Variants in ZFHX3 observed in about 807,000 individuals in gnomAD.
The protein encoded by ZFHX3 is zinc finger homeobox 3, also known as zinc finger homeobox protein 3.
ZFHX3 carries 42 observed loss-of-function variants against 279.1 expected under a neutral mutation model. The observed-to-expected ratio is 0.15, with a 90% confidence interval of 0.12 to 0.19. The LOEUF is 0.19. Among genes scored for constraint, ZFHX3 ranks in the 10% least tolerant of loss-of-function variants. The pLI, the probability that ZFHX3 is intolerant of heterozygous loss-of-function variation, is 1.00. For synonymous variants in ZFHX3, 2,293 were observed against 1,957.8 expected, an observed-to-expected ratio of 1.17 and a Z score of -4.52; for missense variants, 4,981 against 4,754.0, an observed-to-expected ratio of 1.05 and a Z score of -1.40.
At chr16:73,680,437 A>G (rs548950592) in intron 1 of ZFHX3, among the ~76,000 whole-genome samples, 5 of 152,294 alleles carry the variant, frequency 3.3e-5, no homozygotes, top group African/African-American at 1.2e-4. Flanking sequence ...CTCATCTCAA[A>G]ACAGAAGCAC....
chr16:73,738,855 G>A (rs78480639), intron 1 of ZFHX3, among the ~76,000 whole-genome samples: 56 of 152,250 alleles, frequency 3.7e-4, no homozygotes, highest in Non-Finnish European at 6.0e-4. Context: ...GGAGGCACCC[G>A]TGGAAGATTA....
intron 3 of ZFHX3, among the ~76,000 whole-genome samples, chr16:73,411,846 G>A (rs1456750290): frequency 6.6e-6 from 1 of 152,118 alleles, no homozygotes; most frequent in Non-Finnish European, 1.5e-5. Flanking sequence ...TCTATGGCCT[G>A]CCTGTCTCCT....
chr16:72,899,427 T>C (rs917161053), intron 3 of ZFHX3, among the ~76,000 whole-genome samples: 3 of 152,230 alleles, frequency 2.0e-5, no homozygotes, highest in Non-Finnish European at 4.4e-5. Flanking sequence ...TCCATCATGA[T>C]TGTAAGTTTT....
intron 1 of ZFHX3, among the ~76,000 whole-genome samples, chr16:73,741,849 C>A (rs1007450580): frequency 2.0e-5 from 3 of 152,168 alleles, no homozygotes; most frequent in Admixed American, 6.5e-5. Flanking sequence ...TGGTTGAATG[C>A]AAAACAGAAT....
chr16:73,004,399 G>A (rs1404424898), intron 1 of ZFHX3, among the ~76,000 whole-genome samples: 3 of 143,156 alleles, frequency 2.1e-5, no homozygotes, highest in Non-Finnish European at 4.5e-5. Flanking sequence ...TGCAATCTCG[G>A]CTCACTGCAA....
chr16:73,342,060 T>TGTATG (rs1191727344), intron 3 of ZFHX3, among the ~76,000 whole-genome samples: 2 of 152,096 alleles, frequency 1.3e-5, no homozygotes, highest in Admixed American at 6.5e-5. Context: ...ATGGGTGAAT[T>TGTATG]GTATGGTACA....
chr16:73,370,284 C>T (rs967175334), intron 3 of ZFHX3, among the ~76,000 whole-genome samples: 17 of 152,244 alleles, frequency 1.1e-4, no homozygotes, highest in Admixed American at 1.0e-3. Context: ...GTCAGAACGG[C>T]TACATCTGAC....
intron 3 of ZFHX3, among the ~76,000 whole-genome samples, chr16:73,403,036 A>G (rs2017288608): frequency 6.6e-6 from 1 of 152,136 alleles, no homozygotes; most frequent in Non-Finnish European, 1.5e-5. Flanking sequence ...GTAAATAGGC[A>G]CACACACGTG....
At chr16:73,545,353 G>A (rs1253640460) in intron 2 of ZFHX3, among the ~76,000 whole-genome samples, 1 of 152,128 alleles carries the variant, frequency 6.6e-6, no homozygotes, top group Non-Finnish European at 1.5e-5. Context: ...GTTTTAGAGG[G>A]AGGGGGTGGC....
chr16:73,177,165 ACCAACCAG>A (rs1470229892), intron 5 of ZFHX3, among the ~76,000 whole-genome samples: 7 of 141,586 alleles, frequency 4.9e-5, no homozygotes, highest in Non-Finnish European at 6.1e-5. Context: ...AAACCAACCA[ACCAACCAG>A]CCAACCAACC....
intron 6 of ZFHX3, among the ~76,000 whole-genome samples, chr16:73,132,045 G>C: frequency 6.6e-6 from 1 of 152,142 alleles, no homozygotes; most frequent in Non-Finnish European, 1.5e-5. Flanking sequence ...CAGTGCTTTA[G>C]GAGACCGAGG....
chr16:72,972,828 C>T (rs998585072), intron 1 of ZFHX3, among the ~76,000 whole-genome samples: 4 of 152,178 alleles, frequency 2.6e-5, no homozygotes, highest in African/African-American at 7.2e-5. Flanking sequence ...TCTGTCATCT[C>T]TACATTGCCT....
chr16:72,957,872 C>T lies in ZFHX3; in HGVS notation c.2274G>A (p.Gln758=), dbSNP rs778145729. ...DKHLNNMQNL[Q]NGGGEQVFSH... ...TGAAGACCTGCTCCCCCCCTCCATT[C>T]TGCAGGTTCTGCATGTTGTTGAGAT... Residue 758 remains glutamine, a synonymous_variant, in exon 2 of 10, where the codon CAG becomes CAA. Transcript: ENST00000268489. 2.5e-6 allele frequency: 4 copies of T among 1,614,118 alleles called. No homozygotes were observed. In the South Asian group the frequency reaches 4.4e-5, roughly 18 times the overall value.
intron 5 of ZFHX3, among the ~76,000 whole-genome samples, chr16:73,219,384 G>C (rs970403185): frequency 1.3e-5 from 2 of 152,146 alleles, no homozygotes; most frequent in Non-Finnish European, 2.9e-5. Context: ...CTTGATGAGA[G>C]TTCACATTCT....
At chr16:73,639,225 T>A (rs558697928) in intron 2 of ZFHX3, among the ~76,000 whole-genome samples, 1 of 152,176 alleles carries the variant, frequency 6.6e-6, no homozygotes, top group African/African-American at 2.4e-5. Flanking sequence ...ACAGCAGCAT[T>A]TGCTGCTGTG....
intron 3 of ZFHX3, among the ~76,000 whole-genome samples, chr16:73,361,599 TA>T (rs1020607863): frequency 3.1e-4 from 47 of 152,220 alleles, no homozygotes; most frequent in African/African-American, 1.1e-3. Flanking sequence ...TCTTCATTTT[TA>T]AAAAATAGAA....
chr16:73,587,965 C>G (rs2051944667), intron 2 of ZFHX3, among the ~76,000 whole-genome samples: 1 of 152,056 alleles, frequency 6.6e-6, no homozygotes, highest in Admixed American at 6.5e-5. Context: ...TTTTCAAGTA[C>G]TTATGGAACA....
chr16:72,856,376 TC>T (rs1327337493), intron 4 of ZFHX3, among the ~76,000 whole-genome samples: 5 of 152,190 alleles, frequency 3.3e-5, no homozygotes, highest in African/African-American at 1.2e-4. Context: ...CCTGGGGGGC[TC>T]ACGAGGCTTC....
Position 72,795,121 on chromosome 16 carries a change from C to T in ZFHX3, c.7561G>A (p.Ala2521Thr), listed in dbSNP as rs140414544. The T allele has an allele frequency of 5.9e-5, 95 of 1,613,112 alleles. No homozygotes were observed. Among genetic ancestry groups the T allele is most frequent in the Middle Eastern group, 3.3e-4 (2 of 6,062 alleles). The change falls in exon 9 of 10, where the codon GCA becomes ACA. Residue 2521 changes from alanine (A) to threonine (T), a missense_variant. This residue lies in a region of ZFHX3 where 744 missense variants were observed against 701.3 expected (regional missense o/e 1.06). Transcript: ENST00000268489. ...GGGATTAGCTGAGGAGGTAGGTTTG[C>T]GAGCTGTTGAGGAGTTGATGTGTGG... ...PLHTSTPQQL[A>T]NLPPQLIPYQ...
Sources: gnomAD v4.1 joint callset for allele counts (sites outside exome capture counted in the v4.1 genomes callset) on GRCh38, gnomAD v4.1.1 for gene constraint, gnomAD v4.1.1 regional missense constraint, MANE v1.5 for transcripts, NCBI Gene and HGNC (gene_info 2026-07-23, HGNC 2026-07-21) for gene names.